The following ACBD6 variants were observed in gnomAD, a reference collection of about 807,000 sequenced individuals.
ACBD6 encodes the protein acyl-CoA-binding domain-containing protein 6.
ACBD6 carries 28 observed loss-of-function variants against 37.2 expected under a neutral mutation model. The observed-to-expected ratio is 0.75, with a 90% confidence interval of 0.56 to 1.03. ACBD6 has a LOEUF of 1.03. ACBD6 is among the 50% of genes least tolerant of loss of function. The probability of loss-of-function intolerance (pLI) is 0.00; values close to 1 mark genes in which losing one functional copy is unlikely to be tolerated. For synonymous variants in ACBD6, 113 were observed against 126.8 expected (o/e 0.89, Z 0.73); for missense variants, 340 against 337.4 (o/e 1.01, Z -0.06).
chr1:180,279,518 G>A (rs886708623), intron 9 of ACBD6, among the ~76,000 whole-genome samples: 6 of 152,082 alleles, frequency 3.9e-5, no homozygotes, highest in Non-Finnish European at 8.8e-5. Context: ...GGCTGGTCTC[G>A]AACTCCTGAC....
At chr1:180,479,712 G>A (rs1289577544) in intron 3 of ACBD6, among the ~76,000 whole-genome samples, 2 of 152,156 alleles carry the variant, frequency 1.3e-5, no homozygotes, top group African/African-American at 4.8e-5. Context: ...GAAAATACAA[G>A]CAGTATGGCA....
intron 3 of ACBD6, among the ~76,000 whole-genome samples, chr1:180,431,563 G>A (rs944788336): frequency 6.6e-6 from 1 of 152,062 alleles, no homozygotes. Context: ...ACAATGGTTC[G>A]ATTTATGATA....
chr1:180,470,035 TAGAA>T (rs1303846555), intron 3 of ACBD6, among the ~76,000 whole-genome samples: 3 of 152,082 alleles, frequency 2.0e-5, no homozygotes, highest in African/African-American at 4.8e-5. Context: ...CTAATACAAA[TAGAA>T]AGAAATTAAC....
intron 3 of ACBD6, among the ~76,000 whole-genome samples, chr1:180,476,255 T>C (rs7543143): frequency 0.98 from 148,666 of 152,354 alleles, 72,558 homozygotes; most frequent in African/African-American, 0.99. Flanking sequence ...TAAGTTATAT[T>C]ATTAACTCAT....
chr1:180,491,185 A>G (rs1046265343), intron 3 of ACBD6, among the ~76,000 whole-genome samples: 2 of 152,162 alleles, frequency 1.3e-5, no homozygotes, highest in South Asian at 2.1e-4. Context: ...CTATGTACAC[A>G]TGAAATTATG....
At chr1:180,372,651 C>G (rs1164007588) in intron 6 of ACBD6, among the ~76,000 whole-genome samples, 1 of 152,112 alleles carries the variant, frequency 6.6e-6, no homozygotes, top group African/African-American at 2.4e-5. Flanking sequence ...GCTCCTCTGT[C>G]ATGTAAAAAA....
chr1:180,456,130 T>C (rs909670703), intron 3 of ACBD6, among the ~76,000 whole-genome samples: 5 of 149,686 alleles, frequency 3.3e-5, no homozygotes, highest in Non-Finnish European at 5.9e-5. Flanking sequence ...GGGAATCACA[T>C]GAACCTAGGA....
intron 7 of ACBD6, among the ~76,000 whole-genome samples, chr1:180,307,127 G>T (rs138857523): frequency 6.6e-6 from 1 of 152,292 alleles, no homozygotes. Context: ...ACAGATGAAT[G>T]GATAAAGAAA....
At chr1:180,284,457 G>T (rs1281790886), downstream of ACBD6, among the ~76,000 whole-genome samples, 2 of 151,470 alleles carry the variant, frequency 1.3e-5, no homozygotes, top group South Asian at 2.1e-4. Context: ...TCTGCCTCCC[G>T]AGTTCAAGTG....
chr1:180,461,260 C>T (rs1650134904), intron 3 of ACBD6, among the ~76,000 whole-genome samples: 1 of 151,942 alleles, frequency 6.6e-6, no homozygotes, highest in African/African-American at 2.4e-5. Flanking sequence ...TATAAAAAGA[C>T]CAAATCTATG....
chr1:180,310,854 A>T (rs1558244036), intron 7 of ACBD6, among the ~76,000 whole-genome samples: 1 of 152,182 alleles, frequency 6.6e-6, no homozygotes, highest in Non-Finnish European at 1.5e-5. Context: ...TGCCAATCTG[A>T]TCGGTATGAA....
At chr1:180,446,364 A>C (rs1326212481) in intron 3 of ACBD6, among the ~76,000 whole-genome samples, 4 of 152,104 alleles carry the variant, frequency 2.6e-5, no homozygotes, top group Non-Finnish European at 4.4e-5. Flanking sequence ...GTTCAAAGAG[A>C]AAACTTTAAA....
intron 7 of ACBD6, among the ~76,000 whole-genome samples, chr1:180,304,039 T>G (rs1395540599): frequency 6.6e-6 from 1 of 150,860 alleles, no homozygotes; most frequent in Non-Finnish European, 1.5e-5. Context: ...AGAAAAGGCC[T>G]TTGACAAAAT....
At chr1:180,313,977 T>TA (rs1213109868) in intron 7 of ACBD6, among the ~76,000 whole-genome samples, 1 of 152,228 alleles carries the variant, frequency 6.6e-6, no homozygotes, top group African/African-American at 2.4e-5. Flanking sequence ...ACAGATTACT[T>TA]AAGCTAATCA....
intron 6 of ACBD6, among the ~76,000 whole-genome samples, chr1:180,341,330 ATAT>A (rs1407640937): frequency 6.6e-6 from 1 of 152,140 alleles, no homozygotes; most frequent in Admixed American, 6.6e-5. Flanking sequence ...ATAAGAGAAA[ATAT>A]TAATAATAAA....
intron 1 of ACBD6, among the ~76,000 whole-genome samples, chr1:180,501,790 AAGTC>A (rs1301246083): frequency 2.0e-5 from 3 of 152,100 alleles, no homozygotes; most frequent in East Asian, 3.8e-4. Context: ...ATCACTGAAT[AAGTC>A]AGAGAAAAAA....
Position 180,502,177 on chromosome 1 carries a change from G to C in ACBD6, c.90C>G (p.Phe30Leu). 1 of 1,614,092 alleles carries C rather than the reference G, an allele frequency of 6.2e-7. No homozygotes were observed. Among genetic ancestry groups the C allele is most frequent in the South Asian group, 1.1e-5 (1 of 91,086 alleles). Residue 30 changes from phenylalanine (F) to leucine (L), a missense_variant, in exon 1 of 8, where the codon TTC (phenylalanine) becomes TTG (leucine). By Grantham distance (22) the Phe-to-Leu change is conservative. Transcript: ENST00000367595. Reference sequence around the variant, plus strand: ...TCTCCTCGATCTCAGGGCTATGGGGGAACTCCACCTCCCCGGAGTCGTCCC... The same window carrying C: ...TCTCCTCGATCTCAGGGCTATGGGGCAACTCCACCTCCCCGGAGTCGTCCC... ...SSGDDSGEVE[F>L]PHSPEIEETS...
rs1231727723 is a variant in ACBD6, at chr1:180,349,590, T to A, written c.664-34868A>T. Among the ~76,000 whole-genome samples the A allele has an allele frequency of 0.012, 8 of 658 alleles. No individual in the cohort carries two copies. The East Asian group carries it at 0.5, about 41-fold the overall frequency. 0.4% of individuals were successfully genotyped at this position (658 alleles called of 152,430 possible). A position where few individuals can be genotyped will look rare whatever the true frequency, so the allele number is the denominator to read the frequency against. ...TTTAGTATAAAAAAATAAATAAAAT[T>A]TTTTTTAGTATAATAAATTTTATGT... On this transcript the variant is annotated intron_variant, in intron 6 of 7. Transcript: ENST00000367595.
At chr1:180,459,015 C>G (rs576665975) in intron 3 of ACBD6, among the ~76,000 whole-genome samples, 2 of 152,054 alleles carry the variant, frequency 1.3e-5, no homozygotes, top group African/African-American at 4.8e-5. Context: ...ATTAGAACCT[C>G]AAAGTTCTAA....
Sources: gnomAD v4.1 joint callset for allele counts (sites outside exome capture counted in the v4.1 genomes callset) on GRCh38, gnomAD v4.1.1 for gene constraint, MANE v1.5 for transcripts, NCBI Gene and HGNC (gene_info 2026-07-23, HGNC 2026-07-21) for gene names.